Variants in PTPRD observed in about 807,000 individuals in gnomAD.
PTPRD encodes receptor-type tyrosine-protein phosphatase delta.
PTPRD carries 34 observed loss-of-function variants against 214.5 expected under a neutral mutation model. The ratio of observed to expected loss-of-function variants is 0.16; its 90% confidence interval spans 0.12 to 0.21. PTPRD has a LOEUF of 0.21. Ranked by LOEUF, PTPRD falls within the 10% of genes least tolerant of loss-of-function variation. The probability of loss-of-function intolerance (pLI) is 1.00; values close to 1 mark genes in which losing one functional copy is unlikely to be tolerated. For synonymous variants in PTPRD, 1,128 were observed against 845.7 expected (o/e 1.33, Z -5.79); for missense variants, 2,545 against 2,398.7 (o/e 1.06, Z -1.27).
intron 7 of PTPRD, among the ~76,000 whole-genome samples, chr9:9,675,711 G>T (rs1161628504): frequency 6.6e-6 from 1 of 151,894 alleles, no homozygotes; most frequent in South Asian, 2.1e-4. Flanking sequence ...AAAGAAAATA[G>T]GTCCACCAAA....
At chr9:10,077,046 T>A (rs1202406705) in intron 3 of PTPRD, among the ~76,000 whole-genome samples, 2 of 152,138 alleles carry the variant, frequency 1.3e-5, no homozygotes, top group Admixed American at 1.3e-4. Context: ...ACACATTACA[T>A]CCGGAGACTT....
intron 3 of PTPRD, among the ~76,000 whole-genome samples, chr9:10,055,133 T>G (rs192183108): frequency 1.3e-5 from 2 of 152,238 alleles, no homozygotes; most frequent in African/African-American, 4.8e-5. Flanking sequence ...ATCTTTGATC[T>G]TTGACTTTCC....
At chr9:9,932,438 C>T (rs1306064282) in intron 5 of PTPRD, among the ~76,000 whole-genome samples, 1 of 146,976 alleles carries the variant, frequency 6.8e-6, no homozygotes, top group South Asian at 2.2e-4. Context: ...ATGCAGAAGC[C>T]TCAGGAGCCG....
chr9:9,641,189 G>C (rs1034411102), intron 7 of PTPRD, among the ~76,000 whole-genome samples: 1 of 148,376 alleles, frequency 6.7e-6, no homozygotes, highest in Non-Finnish European at 1.5e-5. Flanking sequence ...AGCTCCTTGA[G>C]TTGTTTTCAT....
Position 9,752,592 on chromosome 9 carries a change from C to T in PTPRD, c.-326+14218G>A, listed in dbSNP as rs376899241. Among the ~76,000 whole-genome samples the T allele has an allele frequency of 3.3e-5, 5 of 151,894 alleles. No homozygotes were observed. The East Asian group carries it at 5.8e-4, about 18-fold the overall frequency. ...AGAACTCCAAATTCTGCACATGGAA[C>T]TTTAAGATCGAGGTTGAGGGAACTC... On this transcript the variant is annotated intron_variant, in intron 6 of 45. Transcript: ENST00000381196.
intron 4 of PTPRD, among the ~76,000 whole-genome samples, chr9:10,018,560 T>G (rs1016815752): frequency 4.0e-5 from 5 of 123,966 alleles, no homozygotes; most frequent in African/African-American, 1.4e-4. Context: ...TTTTTTTTTT[T>G]TTTTTGAGAC....
chr9:9,286,764 G>C (rs1416835184), intron 9 of PTPRD, among the ~76,000 whole-genome samples: 1 of 149,654 alleles, frequency 6.7e-6, no homozygotes, highest in Non-Finnish European at 1.5e-5. Context: ...ATATAGGCCA[G>C]TGTCTCATTT....
At chr9:8,839,296 G>A (rs530342021) in intron 11 of PTPRD, among the ~76,000 whole-genome samples, 2 of 141,018 alleles carry the variant, frequency 1.4e-5, no homozygotes, top group South Asian at 2.3e-4. Context: ...ATTGACCAAG[G>A]GGATTTTATT....
intron 7 of PTPRD, among the ~76,000 whole-genome samples, chr9:9,603,686 G>C (rs1205045335): frequency 1.3e-5 from 2 of 152,080 alleles, no homozygotes; most frequent in Admixed American, 1.3e-4. Flanking sequence ...CTGATGATTT[G>C]AGGTGGAATA....
intron 3 of PTPRD, among the ~76,000 whole-genome samples, chr9:10,116,461 G>C (rs1310645697): frequency 2.6e-5 from 4 of 152,020 alleles, no homozygotes; most frequent in African/African-American, 9.7e-5. Flanking sequence ...TATTGCCACA[G>C]ATACCTTAAT....
chr9:8,550,813 T>C (rs1208073606), intron 14 of PTPRD, among the ~76,000 whole-genome samples: 1 of 152,228 alleles, frequency 6.6e-6, no homozygotes, highest in East Asian at 1.9e-4. Flanking sequence ...AGATCCAGTG[T>C]TCAATCTTTC....
In PTPRD at chr9:8,571,596, T is replaced by C. The variant is rs1016039274; in HGVS notation, c.353-42817A>G. On this transcript the variant is annotated intron_variant, in intron 14 of 45. Coordinates refer to ENST00000381196, the MANE Select transcript of PTPRD (RefSeq NM_002839.4). The stretch of plus-strand genomic sequence containing the variant: ...GCTGAGAAAAGCAATATTACTATTT[T>C]GTTGAATATAAAACAACTGAGCAAA... Among the ~76,000 whole-genome samples the C allele has an allele frequency of 3.9e-5, 6 of 152,186 alleles. No homozygotes were observed. In the South Asian group the frequency reaches 1.2e-3, roughly 31 times the overall value.
chr9:9,128,101 G>T (rs10117009), intron 10 of PTPRD, among the ~76,000 whole-genome samples: 5,179 of 152,214 alleles, frequency 0.034, 192 homozygotes, highest in African/African-American at 0.076. Context: ...TATGCATTTA[G>T]TTGAGGCCAG....
intron 12 of PTPRD, among the ~76,000 whole-genome samples, chr9:8,644,773 G>A (rs1485530911): frequency 6.6e-6 from 1 of 152,216 alleles, no homozygotes; most frequent in Non-Finnish European, 1.5e-5. Flanking sequence ...ATGTCTGACT[G>A]TGCAGTGACC....
rs79407928 is a variant in PTPRD, at chr9:8,976,276, T to A, written c.-104+42421A>T. Among the ~76,000 whole-genome samples, 617 of 152,196 alleles carry A rather than the reference T, an allele frequency of 4.1e-3. 5 individuals carry two copies. The highest frequency in any genetic ancestry group is 0.014 in the African/African-American group (588 of 41,546). On this transcript the variant is annotated intron_variant, in intron 11 of 45. Coordinates refer to ENST00000381196, the MANE Select transcript of PTPRD (RefSeq NM_002839.4). ...AATCTTTCTCTGGTAATTAGTACAG[T>A]GTTTTGCACATAGTTATTAAGAAAT...
intron 3 of PTPRD, among the ~76,000 whole-genome samples, chr9:10,307,000 A>G (rs1330652782): frequency 2.0e-5 from 3 of 152,152 alleles, no homozygotes; most frequent in African/African-American, 4.8e-5. Flanking sequence ...AGATGCATAG[A>G]ATATGTAATA....
chr9:8,798,829 T>C (rs1713069524), intron 11 of PTPRD, among the ~76,000 whole-genome samples: 1 of 152,220 alleles, frequency 6.6e-6, no homozygotes, highest in African/African-American at 2.4e-5. Flanking sequence ...CTCATTGATA[T>C]AAATTTACAA....
At chr9:9,330,138 A>G (rs905575285) in intron 9 of PTPRD, among the ~76,000 whole-genome samples, 7 of 152,120 alleles carry the variant, frequency 4.6e-5, no homozygotes, top group African/African-American at 1.7e-4. Context: ...AGACCCTGCC[A>G]TGCCATCTGA....
At chr9:9,040,717 G>T (rs1324958474) in intron 10 of PTPRD, among the ~76,000 whole-genome samples, 1 of 152,110 alleles carries the variant, frequency 6.6e-6, no homozygotes, top group Non-Finnish European at 1.5e-5. Context: ...CATAATCACA[G>T]TCATAATATC....
Sources: allele counts gnomAD v4.1 joint callset (sites outside exome capture counted in the v4.1 genomes callset), GRCh38; gene constraint gnomAD v4.1.1; transcripts MANE v1.5; gene names NCBI Gene and HGNC (gene_info 2026-07-23, HGNC 2026-07-21).